Variants in APPBP2 observed in about 807,000 individuals in gnomAD.
APPBP2 encodes the protein amyloid beta precursor protein binding protein 2.
APPBP2 carries 15 observed loss-of-function variants against 76.0 expected under a neutral mutation model. The observed-to-expected ratio is 0.20, with a 90% CI of 0.13 to 0.30. APPBP2 has a LOEUF of 0.30. Among genes scored for constraint, APPBP2 ranks in the 10% least tolerant of loss-of-function variants. The pLI, the probability that APPBP2 is intolerant of heterozygous loss-of-function variation, is 1.00. For synonymous variants in APPBP2, 222 were observed against 242.2 expected, an observed-to-expected ratio of 0.92 and a Z score of 0.77; for missense variants, 401 against 687.2, an observed-to-expected ratio of 0.58 and a Z score of 4.66.
intron 1 of APPBP2, among the ~76,000 whole-genome samples, chr17:60,511,629 A>C (rs2090914629): frequency 6.6e-6 from 1 of 151,880 alleles, no homozygotes; most frequent in South Asian, 2.1e-4. Context: ...TCCTGTCTCT[A>C]TAAGAAAACT....
chr17:60,484,958 G>A (rs1305328240), intron 3 of APPBP2, among the ~76,000 whole-genome samples: 1 of 152,140 alleles, frequency 6.6e-6, no homozygotes, highest in Non-Finnish European at 1.5e-5. Context: ...CCTCTATTGA[G>A]ATAATCATGT....
At chr17:60,488,758 T>C (rs2090701886) in intron 3 of APPBP2, among the ~76,000 whole-genome samples, 1 of 152,176 alleles carries the variant, frequency 6.6e-6, no homozygotes, top group Non-Finnish European at 1.5e-5. Flanking sequence ...CAATGAACAC[T>C]AGTCTTCCTT....
At chr17:60,468,107 T>C (rs548380511) in intron 4 of APPBP2, among the ~76,000 whole-genome samples, 12 of 152,306 alleles carry the variant, frequency 7.9e-5, no homozygotes, top group Middle Eastern at 3.4e-3. Flanking sequence ...CTAGCCACAG[T>C]GGCTACTGAG....
At chr17:60,480,860 G>A (rs1199119157) in intron 3 of APPBP2, among the ~76,000 whole-genome samples, 1 of 152,178 alleles carries the variant, frequency 6.6e-6, no homozygotes, top group Non-Finnish European at 1.5e-5. Context: ...GACTGGAAGA[G>A]CAATGGACAC....
intron 3 of APPBP2, among the ~76,000 whole-genome samples, chr17:60,480,700 G>C (rs1054864766): frequency 1.3e-5 from 2 of 152,076 alleles, no homozygotes; most frequent in African/African-American, 4.8e-5. Flanking sequence ...TATTGTGCTG[G>C]TTATTAGAAT....
rs763327657 is a variant in APPBP2, at chr17:60,462,009, G to C, written c.815C>G (p.Ala272Gly). Residue 272 changes from alanine (A) to glycine (G), a missense_variant, in exon 7 of 13, where the codon GCA (alanine) becomes GGA (glycine). Ala to Gly is a moderately conservative substitution (Grantham distance 60, BLOSUM62 0). Coordinates refer to ENST00000083182, the MANE Select transcript of APPBP2 (RefSeq NM_006380.5). ...FKKAEQLIKHAVYLARDHFGS... is the reference protein window; with the variant it reads ...FKKAEQLIKHGVYLARDHFGS... ...AATCACCTACCGTGCCAAATACACT[G>C]CATGTTTAATTAACTGTTCTGCCTT... 11 of 1,613,036 alleles carry C rather than the reference G, an allele frequency of 6.8e-6. No homozygotes were observed. Among genetic ancestry groups the C allele is most frequent in the Admixed American group, 5.0e-5 (3 of 59,988 alleles).
Position 60,497,838 on chromosome 17 carries a change from C to T in APPBP2, c.227+2561G>A, listed in dbSNP as rs1598366530. ...TGGCAGTTAAACTTAGGGAAGAACA[C>T]TAAAGAGAACAGCAAGCAGACCAGG... On this transcript the variant is annotated intron_variant, in intron 2 of 12. Coordinates refer to ENST00000083182, the MANE Select transcript of APPBP2 (RefSeq NM_006380.5). Among the ~76,000 whole-genome samples the T allele has an allele frequency of 3.3e-5, 5 of 151,908 alleles. No homozygotes were observed. In the South Asian group the frequency reaches 1.0e-3, roughly 32 times the overall value.
intron 4 of APPBP2, among the ~76,000 whole-genome samples, chr17:60,470,943 A>T (rs758325815): frequency 5.3e-5 from 8 of 150,624 alleles, no homozygotes; most frequent in Non-Finnish European, 8.8e-5. Context: ...GGTGTGCACC[A>T]CCACGCCTGG....
chr17:60,472,438 A>G (rs73326490), intron 4 of APPBP2, among the ~76,000 whole-genome samples: 12,518 of 152,186 alleles, frequency 0.082, 1,703 homozygotes, highest in African/African-American at 0.28. Context: ...TATCTAATTC[A>G]CTGGTGTTCA....
chr17:60,450,984 G>C (rs1394471199), intron 12 of APPBP2, among the ~76,000 whole-genome samples: 1 of 152,094 alleles, frequency 6.6e-6, no homozygotes, highest in African/African-American at 2.4e-5. Context: ...AGTTTTAACA[G>C]GCACTTCATA....
chr17:60,493,161 T>TC (rs2090744089), intron 3 of APPBP2, among the ~76,000 whole-genome samples: 1 of 152,116 alleles, frequency 6.6e-6, no homozygotes, highest in African/African-American at 2.4e-5. Flanking sequence ...TTGTGAAGCC[T>TC]CCCCAGTCAT....
In APPBP2 at chr17:60,525,776, G is replaced by A. The variant is rs185466298; in HGVS notation, c.138+18C>T. On this transcript the variant is annotated intron_variant, in intron 1 of 12. Coordinates refer to ENST00000083182, the MANE Select transcript of APPBP2 (RefSeq NM_006380.5). ...GGGGTTGCTGGAGGAGAGCAGAGAG[G>A]AGGCCCACGGCGCATACCTTGTAGT... The A allele has an allele frequency of 4.3e-5, 69 of 1,613,656 alleles. No individual in the cohort carries two copies. Among genetic ancestry groups the A allele is most frequent in the Admixed American group, 2.5e-4 (15 of 59,966 alleles).
Position 60,508,253 on chromosome 17 carries a change from A to T in APPBP2, c.139-7766T>A, listed in dbSNP as rs180922733. On this transcript the variant is annotated intron_variant, in intron 1 of 12. Coordinates refer to ENST00000083182, the MANE Select transcript of APPBP2 (RefSeq NM_006380.5). ...ATGAAGGTAGGCAAACTGCTTTAAG[A>T]ATACAGATAAAATATCCACTCCAAG... Among the ~76,000 whole-genome samples, 162 of 152,304 alleles carry T rather than the reference A, an allele frequency of 1.1e-3. 1 individual carries two copies. The highest frequency in any genetic ancestry group is 3.7e-3 in the African/African-American group (152 of 41,580).
intron 1 of APPBP2, among the ~76,000 whole-genome samples, chr17:60,501,595 A>G (rs2090823986): frequency 6.6e-6 from 1 of 151,920 alleles, no homozygotes; most frequent in Admixed American, 6.6e-5. Context: ...ACGGGGTTTC[A>G]CCATGTTGGC....
At position 60,454,227 on chromosome 17, in the gene APPBP2, C is replaced by A. The variant is rs2090416662; in HGVS notation, c.1338+75G>T. 8 of 1,115,752 alleles carry A rather than the reference C, an allele frequency of 7.2e-6. No individual in the cohort carries two copies. In the South Asian group the frequency reaches 1.5e-4, roughly 20 times the overall value. The allele number at this position is 1,115,752 out of a possible 1,614,324, so 69.1% of individuals were successfully genotyped here. The stretch of plus-strand genomic sequence containing the variant: ...GCAATAAGTGTATAATTTATTTGAG[C>A]TTACTTAAAATTTATTATTTCAGGT... On this transcript the variant is annotated intron_variant, in intron 11 of 12. Transcript: ENST00000083182.
rs189224659 is a variant in APPBP2 at position 60,502,807 on chromosome 17, C to T, written c.139-2320G>A. On this transcript the variant is annotated intron_variant, in intron 1 of 12. Coordinates refer to ENST00000083182, the MANE Select transcript of APPBP2 (RefSeq NM_006380.5). The stretch of plus-strand genomic sequence containing the variant: ...GACAGGTTGCAAGGAGCCAAGATCG[C>T]GCCACTGCACTCCAGCCTGGGTGAT... Among the ~76,000 whole-genome samples, 234 of 145,940 alleles carry T rather than the reference C, an allele frequency of 1.6e-3. 44 individuals are homozygous for T. The highest frequency in any genetic ancestry group is 6.4e-3 in the African/African-American group (228 of 35,646).
At chr17:60,500,035 G>A (rs898990064) in intron 2 of APPBP2, among the ~76,000 whole-genome samples, 11 of 148,508 alleles carry the variant, frequency 7.4e-5, no homozygotes, top group African/African-American at 2.0e-4. Context: ...TTTTTGAGAC[G>A]GAGTCTTGCT....
At chr17:60,451,836 T>G (rs2090397697) in intron 12 of APPBP2, 44 bp downstream of exon 12, 1 of 1,518,768 alleles carries the variant, frequency 6.6e-7, no homozygotes, top group South Asian at 1.2e-5. Flanking sequence ...GCTGACATGT[T>G]GATTTGTAAT....
chr17:60,460,687 C>G lies in APPBP2; in HGVS notation c.1037G>C (p.Ser346Thr). 1 of 1,613,512 alleles carries G rather than the reference C, an allele frequency of 6.2e-7. No homozygotes were observed. The highest frequency in any genetic ancestry group is 8.5e-7 in the Non-Finnish European group (1 of 1,179,670). Residue 346 changes from serine (S) to threonine (T), a missense_variant, in exon 9 of 13, where the codon AGC becomes ACC. Ser to Thr is a moderately conservative substitution (Grantham distance 58). Coordinates refer to ENST00000083182, the MANE Select transcript of APPBP2 (RefSeq NM_006380.5). ...CAGTGCATTGTCAAATTTCCCAGAGCTATACTGGTGGACATAAGAAGAGTA... is the reference window on the plus strand; with the variant it reads ...CAGTGCATTGTCAAATTTCCCAGAGGTATACTGGTGGACATAAGAAGAGTA... ...LAYSSYVHQY[S>T]SGKFDNALFH...
Sources: allele counts gnomAD v4.1 joint callset (sites outside exome capture counted in the v4.1 genomes callset), GRCh38; gene constraint gnomAD v4.1.1; transcripts MANE v1.5; gene names NCBI Gene and HGNC (gene_info 2026-07-23, HGNC 2026-07-21).